KCNC1: variants seen among roughly 807,000 people sequenced by gnomAD.
KCNC1 encodes potassium voltage-gated channel subfamily C member 1.
In KCNC1, 8 loss-of-function variants were observed where a neutral mutation model predicts 43.4. The observed-to-expected ratio is 0.18, with a 90% CI of 0.11 to 0.33. KCNC1 has a LOEUF of 0.33. Among genes scored for constraint, KCNC1 ranks in the 10% least tolerant of loss-of-function variants. The pLI is 1.00. For synonymous variants in KCNC1, 361 were observed against 360.5 expected (o/e 1.00, Z -0.01); for missense variants, 420 against 836.0 (o/e 0.50, Z 6.14).
intron 2 of KCNC1, chr11:17,775,215 C>A (rs1849271484): frequency 1.0e-6 from 1 of 985,656 alleles, no homozygotes; most frequent in Non-Finnish European, 1.2e-6. Flanking sequence ...AAAACCTGAG[C>A]TTCTCCAATT....
In KCNC1 at chr11:17,775,925, C is replaced by G. The variant is rs564063633; in HGVS notation, c.1504+3327C>G. 3.4e-4 allele frequency: 337 copies of G among 985,526 alleles called. 1 individual carries two copies. The African/African-American group carries it at 5.0e-3, about 15-fold the overall frequency. 61.0% of individuals were successfully genotyped at this position (985,526 alleles called of 1,614,324 possible). A position where few individuals can be genotyped will look rare whatever the true frequency, so the allele number is the denominator to read the frequency against. ...GGGGTCTAAAGTCCCCTATCCCCAG[C>G]CCCTCTACTTCCCCTGCTGGGCAGC... On this transcript the variant is annotated intron_variant, in intron 2 of 3. Coordinates refer to ENST00000265969, the MANE Select transcript of KCNC1 (RefSeq NM_001112741.2).
chr11:17,749,503 G>A (rs1157860593), intron 1 of KCNC1, among the ~76,000 whole-genome samples: 8 of 152,300 alleles, frequency 5.3e-5, no homozygotes, highest in East Asian at 1.9e-4. Context: ...CATGACTTCC[G>A]TGGGCCTCAT....
In KCNC1 at chr11:17,776,953, C is replaced by T; in HGVS notation, c.1505-2503C>T. The T allele has an allele frequency of 1.0e-6, 1 of 985,478 alleles. No homozygotes were observed. Among genetic ancestry groups the T allele is most frequent in the Non-Finnish European group, 1.2e-6 (1 of 829,988 alleles). 61.0% of individuals were successfully genotyped at this position (985,478 alleles called of 1,614,324 possible). ...CAAGACTTAAGCTTCCCCACCCAAT[C>T]ATTAGTCCCTCCTCAAAGGTTAGGG... On this transcript the variant is annotated intron_variant, in intron 2 of 3. Transcript: ENST00000265969. The surrounding 1 kb of genome is among the most constrained non-coding windows in gnomAD (Gnocchi z 4.4).
Position 17,737,883 on chromosome 11 carries a change from A to G in KCNC1, c.570+1311A>G, listed in dbSNP as rs145214424. Among the ~76,000 whole-genome samples the G allele has an allele frequency of 8.4e-3, 1,286 of 152,250 alleles. 22 individuals carry two copies. Among genetic ancestry groups the G allele is most frequent in the African/African-American group, 0.03 (1,229 of 41,532 alleles). ...GGGCTAGGGAGGGGTAGGAAGTTGC[A>G]GAGGAGAGTGGAGGGAGGAGACTTG... On this transcript the variant is annotated intron_variant, in intron 1 of 3. Coordinates refer to ENST00000265969, the MANE Select transcript of KCNC1 (RefSeq NM_001112741.2).
intron 1 of KCNC1, among the ~76,000 whole-genome samples, chr11:17,750,573 C>G (rs539384955): frequency 2.0e-5 from 3 of 152,166 alleles, no homozygotes; most frequent in African/African-American, 7.2e-5. Flanking sequence ...CTGACACTTT[C>G]CATGTCCCCA....
At chr11:17,767,752 A>T (rs1396016564) in intron 1 of KCNC1, among the ~76,000 whole-genome samples, 2 of 152,184 alleles carry the variant, frequency 1.3e-5, no homozygotes, top group Non-Finnish European at 2.9e-5. Context: ...GCGCCCAGGG[A>T]GCCTGAGCAG....
At chr11:17,752,652 G>A (rs931088537) in intron 1 of KCNC1, among the ~76,000 whole-genome samples, 3 of 152,190 alleles carry the variant, frequency 2.0e-5, no homozygotes, top group African/African-American at 7.2e-5. Context: ...CATGTGTTCT[G>A]GAGTCAGACA....
intron 1 of KCNC1, among the ~76,000 whole-genome samples, chr11:17,746,078 G>A (rs1848895465): frequency 1.3e-5 from 2 of 152,178 alleles, no homozygotes; most frequent in East Asian, 3.9e-4. Flanking sequence ...AAGCAAGTAG[G>A]GTTCAAGGCC....
At chr11:17,769,087 C>T (rs867304336) in intron 1 of KCNC1, among the ~76,000 whole-genome samples, 1 of 152,260 alleles carries the variant, frequency 6.6e-6, no homozygotes, top group Admixed American at 6.5e-5. Context: ...GAGCCTCTAC[C>T]CTGCCTCTCT....
rs939187817 is a variant in KCNC1, at chr11:17,748,762, C to A, written c.570+12190C>A. ...CCAGCCCAGGGCTCAGTTCTCATTGCCCTCTGCTCCCCTCCTGCAGCCACA... is the reference window on the plus strand; with the variant it reads ...CCAGCCCAGGGCTCAGTTCTCATTGACCTCTGCTCCCCTCCTGCAGCCACA... On this transcript the variant is annotated intron_variant, in intron 1 of 3. Transcript: ENST00000265969. Among the ~76,000 whole-genome samples the A allele has an allele frequency of 5.3e-5, 8 of 152,256 alleles. No homozygotes were observed. The East Asian group carries it at 1.6e-3, about 30-fold the overall frequency.
chr11:17,758,078 C>A (rs1849040891), intron 1 of KCNC1, among the ~76,000 whole-genome samples: 1 of 152,256 alleles, frequency 6.6e-6, no homozygotes, highest in African/African-American at 2.4e-5. Flanking sequence ...AGTCAATCCT[C>A]TCAAACCCTG....
intron 1 of KCNC1, among the ~76,000 whole-genome samples, chr11:17,761,633 T>C (rs1474885805): frequency 6.6e-6 from 1 of 152,198 alleles, no homozygotes; most frequent in African/African-American, 2.4e-5. Context: ...TGGAGCCAAG[T>C]CCAGGCCTCC....
chr11:17,750,250 C>T (rs1369135551), intron 1 of KCNC1, among the ~76,000 whole-genome samples: 2 of 152,176 alleles, frequency 1.3e-5, no homozygotes, highest in Non-Finnish European at 2.9e-5. Flanking sequence ...CCTGGGGTGC[C>T]ATTGTCAGCA....
Position 17,735,926 on chromosome 11 carries a change from C to G in KCNC1, c.-77C>G. On this transcript the variant is annotated 5_prime_UTR_variant, in exon 1 of 4. Coordinates refer to ENST00000265969, the MANE Select transcript of KCNC1 (RefSeq NM_001112741.2). This position sits in a 1 kb window ranked among gnomAD's most constrained non-coding sequence, Gnocchi z 6.7. The stretch of plus-strand genomic sequence containing the variant: ...AGGGGGGAAGAGGGCGCGCGCCCCC[C>G]TCCCCGGCGCCAACTCCCCCTGGCG... 1 of 1,376,298 alleles carries G rather than the reference C, an allele frequency of 7.3e-7. No individual in the cohort carries two copies. The highest frequency in any genetic ancestry group is 9.3e-7 in the Non-Finnish European group (1 of 1,072,044). The allele number at this position is 1,376,298 out of a possible 1,614,324, so 85.3% of individuals were successfully genotyped here.
At chr11:17,780,661 A>G (rs1024397986) in intron 3 of KCNC1, 2 of 152,362 alleles carry the variant, frequency 1.3e-5, no homozygotes, top group Admixed American at 6.5e-5. Context: ...GGTGCAGCCT[A>G]TGGTCATTCA....
At chr11:17,737,157 A>C (rs1848777423) in intron 1 of KCNC1, among the ~76,000 whole-genome samples, 1 of 151,614 alleles carries the variant, frequency 6.6e-6, no homozygotes, top group Non-Finnish European at 1.5e-5. Context: ...GGAAGTGGTC[A>C]AGAGGGCATC....
chr11:17,767,359 C>T (rs575288668), intron 1 of KCNC1, among the ~76,000 whole-genome samples: 1 of 151,996 alleles, frequency 6.6e-6, no homozygotes, highest in Non-Finnish European at 1.5e-5. Flanking sequence ...AGCCTCATCA[C>T]GAGCTTTAAA....
In KCNC1 at chr11:17,739,447, TTG is replaced by T. The variant is rs1200509470; in HGVS notation, c.570+2884_570+2885del. Among the ~76,000 whole-genome samples the T allele has an allele frequency of 7.4e-6, 1 of 135,454 alleles. No homozygotes were observed. Among genetic ancestry groups the T allele is most frequent in the African/African-American group, 2.9e-5 (1 of 34,144 alleles). The allele number at this position is 135,454 out of a possible 152,430, so 88.9% of individuals were successfully genotyped here. A position where few individuals can be genotyped will look rare whatever the true frequency, so the allele number is the denominator to read the frequency against. On this transcript the variant is annotated intron_variant, in intron 1 of 3. Coordinates refer to ENST00000265969, the MANE Select transcript of KCNC1 (RefSeq NM_001112741.2). The surrounding 1 kb of genome is among the most constrained non-coding windows in gnomAD (Gnocchi z 4.2). ...GCTTCCTGAGTCCTTGTGTCAGGGG[TTG>T]TGTGTGTGAGAGAGGCGGATTCTGT...
chr11:17,748,242 A>G (rs55686538), intron 1 of KCNC1, among the ~76,000 whole-genome samples: 25,303 of 152,144 alleles, frequency 0.17, 2,460 homozygotes, highest in African/African-American at 0.27. Flanking sequence ...GAAGGAGGTG[A>G]GGAAGGAGGC....
Sources: allele counts gnomAD v4.1 joint callset (sites outside exome capture counted in the v4.1 genomes callset), GRCh38; gene constraint gnomAD v4.1.1; non-coding constraint Gnocchi (gnomAD v3.1); transcripts MANE v1.5; gene names NCBI Gene and HGNC (gene_info 2026-07-23, HGNC 2026-07-21).